Variants in ABL1 observed in about 807,000 individuals in gnomAD.
The protein encoded by ABL1 is tyrosine-protein kinase ABL1.
In ABL1, 11 loss-of-function variants were observed where a neutral mutation model predicts 94.7. That is an observed-to-expected ratio of 0.12 (90% CI 0.07 to 0.19). The LOEUF is 0.19. ABL1 is among the 10% of genes least tolerant of loss of function. The pLI is 1.00. For synonymous variants in ABL1, 656 were observed against 622.4 expected (o/e 1.05, Z -0.80); for missense variants, 1,082 against 1,489.4 (o/e 0.73, Z 4.50).
chr9:130,734,646 C>T (rs535806940), intron 1 of ABL1, among the ~76,000 whole-genome samples: 61 of 151,766 alleles, frequency 4.0e-4, no homozygotes, highest in African/African-American at 1.4e-3. Flanking sequence ...CTCAGCCTCC[C>T]GAGTAGCTGG....
chr9:130,716,072 C>CTTTTTTTTT (rs71389339), intron 1 of ABL1, among the ~76,000 whole-genome samples: 22 of 91,216 alleles, frequency 2.4e-4, no homozygotes, highest in Non-Finnish European at 4.7e-4. Flanking sequence ...GAAAAATGTC[C>CTTTTTTTTT]TTTTTTTTTT....
At chr9:130,760,159 T>C (rs10793970) in intron 1 of ABL1, among the ~76,000 whole-genome samples, 33,462 of 151,820 alleles carry the variant, frequency 0.22, 3,983 homozygotes, top group Middle Eastern at 0.4. Flanking sequence ...AGTCCCCTTA[T>C]GCTTGGGTCA....
chr9:130,730,641 G>A (rs1475403314), intron 1 of ABL1, among the ~76,000 whole-genome samples: 1 of 151,286 alleles, frequency 6.6e-6, no homozygotes, highest in East Asian at 1.9e-4. Context: ...GCACAGTCTC[G>A]GCTCACTCCA....
At chr9:130,731,617 ATTTG>A (rs1002804125) in intron 1 of ABL1, among the ~76,000 whole-genome samples, 1 of 152,136 alleles carries the variant, frequency 6.6e-6, no homozygotes, top group Non-Finnish European at 1.5e-5. Context: ...CTTCCTGTTA[ATTTG>A]TTTGTCTTTC....
rs760914163 is a variant in ABL1 at position 130,872,979 on chromosome 9, A to G, written c.1027A>G (p.Met343Val). 2 of 1,614,154 alleles carry G rather than the reference A, an allele frequency of 1.2e-6. No homozygotes were observed. Among genetic ancestry groups the G allele is most frequent in the Admixed American group, 3.3e-5 (2 of 60,018 alleles). ...QEVNAVVLLY[M>V]ATQISSAMEY... ...GGTGAACGCCGTGGTGCTGCTGTAC[A>G]TGGCCACTCAGATCTCGTCAGCCAT... is the stretch of plus-strand genomic sequence containing the variant. The change falls in exon 6 of 11, where the codon ATG becomes GTG. Residue 343 changes from methionine (M) to valine (V), a missense_variant. Met to Val is a conservative substitution (Grantham distance 21). This residue lies in a region of ABL1 where 92 missense variants were observed against 212.3 expected (regional missense o/e 0.43). Transcript: ENST00000318560. The surrounding 1 kb of genome is among the most constrained non-coding windows in gnomAD (Gnocchi z 5.0).
chr9:130,750,618 GTTCTTTTTCTTTT>G (rs1331028138), intron 1 of ABL1, among the ~76,000 whole-genome samples: 1 of 141,556 alleles, frequency 7.1e-6, no homozygotes, highest in Non-Finnish European at 1.5e-5. Flanking sequence ...ACCTAACATG[GTTCTTTTTCTTTT>G]TTCTTTTTCT....
chr9:130,772,815 T>A (rs1215561874), intron 1 of ABL1, among the ~76,000 whole-genome samples: 1 of 152,180 alleles, frequency 6.6e-6, no homozygotes, highest in Non-Finnish European at 1.5e-5. Context: ...TTGACTGAGA[T>A]GGGGGCAAAC....
Position 130,761,311 on chromosome 9 carries a change from A to G in ABL1, c.136+46856A>G, listed in dbSNP as rs924208643. On this transcript the variant is annotated intron_variant, in intron 1 of 10. Transcript: ENST00000372348. Reference sequence around the variant, plus strand: ...GACCATTCACAGCCTTTGGCATACCATTAAAATCTGATCATTGACTTCTAG... The same window carrying G: ...GACCATTCACAGCCTTTGGCATACCGTTAAAATCTGATCATTGACTTCTAG... Among the ~76,000 whole-genome samples, 52 of 152,048 alleles carry G rather than the reference A, an allele frequency of 3.4e-4. 1 individual carries two copies. Among genetic ancestry groups the G allele is most frequent in the African/African-American group, 1.2e-3 (51 of 41,412 alleles).
intron 1 of ABL1, among the ~76,000 whole-genome samples, chr9:130,836,016 A>G (rs569503143): frequency 2.6e-5 from 4 of 152,382 alleles, no homozygotes; most frequent in East Asian, 1.9e-4. Context: ...TTGTGAAAAC[A>G]TGCGATTTCC....
intron 1 of ABL1, among the ~76,000 whole-genome samples, chr9:130,813,823 G>A (rs946155152): frequency 1.5e-4 from 23 of 152,088 alleles, no homozygotes; most frequent in African/African-American, 5.1e-4. Context: ...GACTTATGAC[G>A]TCTCAACTTA....
chr9:130,792,414 C>A (rs144699593), intron 1 of ABL1, among the ~76,000 whole-genome samples: 2 of 152,134 alleles, frequency 1.3e-5, no homozygotes, highest in African/African-American at 4.8e-5. Flanking sequence ...TTCATTCCTC[C>A]TCATCTTGAT....
chr9:130,746,667 TATTC>T (rs1403473000), intron 1 of ABL1, among the ~76,000 whole-genome samples: 4 of 152,018 alleles, frequency 2.6e-5, no homozygotes, highest in African/African-American at 4.8e-5. Context: ...ACAGTTTGCT[TATTC>T]ATTCATCTGT....
chr9:130,724,995 CACA>C (rs1202879671), intron 1 of ABL1: 25 of 303,028 alleles, frequency 8.3e-5, no homozygotes, highest in Admixed American at 5.5e-4. Flanking sequence ...ACAGTGGCCG[CACA>C]ACGTGTGCAT....
chr9:130,831,673 A>G (rs1830496537), upstream of ABL1, among the ~76,000 whole-genome samples: 1 of 151,830 alleles, frequency 6.6e-6, no homozygotes, highest in Non-Finnish European at 1.5e-5. Context: ...CAGTGGTGCA[A>G]TCTTGGCACA....
intron 1 of ABL1, among the ~76,000 whole-genome samples, chr9:130,818,628 AT>A (rs1316679211): frequency 1.3e-5 from 2 of 152,168 alleles, no homozygotes; most frequent in Admixed American, 6.5e-5. Context: ...TTTTAGGCTT[AT>A]AATTCATTTC....
rs869234280 is a variant in ABL1 at position 130,859,677 on chromosome 9, C to CTTTTTTTTTTTTTT, written c.550-3070_550-3057dup. Among the ~76,000 whole-genome samples, 23 of 78,456 alleles carry CTTTTTTTTTTTTTT rather than the reference C, an allele frequency of 2.9e-4. 3 individuals are homozygous for CTTTTTTTTTTTTTT. The highest frequency in any genetic ancestry group is 1.0e-3 in the African/African-American group (15 of 14,856). The allele number at this position is 78,456 out of a possible 152,430, so 51.5% of individuals were successfully genotyped here. On this transcript the variant is annotated intron_variant, in intron 3 of 10. Transcript: ENST00000318560. ...AAACGCTGTTTCTTTTCTTTCTTTC[C>CTTTTTTTTTTTTTT]TTTTTTTTTTTTTTTTTTTTTTTTT... is the stretch of plus-strand genomic sequence containing the variant.
At position 130,887,107 on chromosome 9, in the gene ABL1, C is replaced by T. The variant is rs12337653; in HGVS notation, c.*1424C>T. The T allele has an allele frequency of 0.014, 3,233 of 233,148 alleles. 106 individuals are homozygous for T. The highest frequency in any genetic ancestry group is 0.066 in the African/African-American group (2,991 of 45,420). The allele number at this position is 233,148 out of a possible 1,614,324, so 14.4% of individuals were successfully genotyped here. ...TGGACCTTGACAGAGCAGCTAACTC[C>T]GAGAGCAGTGGGCAGGTGGCCGCCC... On this transcript the variant is annotated 3_prime_UTR_variant, in exon 11 of 11. Coordinates refer to ENST00000318560, the MANE Select transcript of ABL1 (RefSeq NM_005157.6).
At chr9:130,798,687 G>T (rs971325970) in intron 1 of ABL1, among the ~76,000 whole-genome samples, 1 of 152,024 alleles carries the variant, frequency 6.6e-6, no homozygotes, top group South Asian at 2.1e-4. Context: ...TGGAAGGGGG[G>T]GCCGGGCATG....
chr9:130,829,883 A>G (rs1478745298), intron 1 of ABL1, among the ~76,000 whole-genome samples: 3 of 152,224 alleles, frequency 2.0e-5, no homozygotes, highest in Non-Finnish European at 4.4e-5. Flanking sequence ...ATAGTATAAT[A>G]CTGCTGTCAT....
Sources: allele counts gnomAD v4.1 joint callset (sites outside exome capture counted in the v4.1 genomes callset), GRCh38; gene constraint gnomAD v4.1.1; regional missense constraint gnomAD v4.1.1; non-coding constraint Gnocchi (gnomAD v3.1); transcripts MANE v1.5; gene names NCBI Gene and HGNC (gene_info 2026-07-23, HGNC 2026-07-21).